Variants in DMD observed in about 807,000 individuals in gnomAD.
DMD encodes the protein dystrophin, also known as mutant dystrophin.
Under a neutral mutation model 330.1 loss-of-function variants are expected in DMD, and 63 were observed. That is an observed-to-expected ratio of 0.19 (90% CI 0.16 to 0.24). The LOEUF (loss-of-function observed/expected upper bound fraction) is 0.24. DMD is among the 10% of genes least tolerant of loss of function. The pLI, the probability that DMD is intolerant of heterozygous loss-of-function variation, is 1.00. For missense variants in DMD, 3,344 were observed against 2,684.1 expected (o/e 1.25, Z -5.43); for synonymous variants, 1,223 against 959.8 (o/e 1.27, Z -5.07).
At chrX:32,616,405 T>C (rs1249070985) in intron 11 of DMD, among the ~76,000 whole-genome samples, 1 of 111,157 alleles carries the variant, frequency 9.0e-6, no homozygotes, top group African/African-American at 3.3e-5. Flanking sequence ...ATTTATGAAA[T>C]TATTTATTTA....
intron 16 of DMD, among the ~76,000 whole-genome samples, chrX:32,546,997 C>A (rs1191375950): frequency 9.0e-6 from 1 of 111,566 alleles, no homozygotes; most frequent in African/African-American, 3.2e-5. Flanking sequence ...TATTTTTTAA[C>A]CATGAGAAAA....
chrX:32,600,695 A>T (rs1384821898), intron 12 of DMD, among the ~76,000 whole-genome samples: 1 of 110,267 alleles, frequency 9.1e-6, no homozygotes, highest in Non-Finnish European at 1.9e-5. Flanking sequence ...GTCTCCAAAA[A>T]TGACTTTAAA....
At chrX:32,964,063 G>C (rs1435488677) in intron 2 of DMD, among the ~76,000 whole-genome samples, 1 of 108,703 alleles carries the variant, frequency 9.2e-6, no homozygotes, top group Non-Finnish European at 1.9e-5. Context: ...GACCGTCCTG[G>C]CCAACATCAT....
At chrX:32,256,640 G>T (rs957363153) in intron 43 of DMD, among the ~76,000 whole-genome samples, 8 of 111,520 alleles carry the variant, frequency 7.2e-5, no homozygotes, top group Non-Finnish European at 1.3e-4. Flanking sequence ...GTTTCTCTCA[G>T]TGGCTGGTAC....
chrX:32,125,289 A>G (rs1214913655), intron 44 of DMD, among the ~76,000 whole-genome samples: 1 of 111,675 alleles, frequency 9.0e-6, no homozygotes, highest in East Asian at 2.8e-4. Flanking sequence ...AGAAGGTTAA[A>G]TCAGTAGGAC....
rs773978659 is a variant in DMD at position 33,302,372 on chromosome X, G to T, written c.7+36887C>A. Among the ~76,000 whole-genome samples, 3 of 111,461 alleles carry T rather than the reference G, an allele frequency of 2.7e-5. No individual in the cohort carries two copies. In the South Asian group the frequency reaches 1.1e-3, roughly 42 times the overall value. On this transcript the variant is annotated intron_variant, in intron 1 of 17. Coordinates refer to the DMD transcript ENST00000288447. ...GATTTATAACCTCACCAACAAGAAAGGGCATGCCCACTTCACTGACTCTTC... is the reference window on the plus strand; with the variant it reads ...GATTTATAACCTCACCAACAAGAAATGGCATGCCCACTTCACTGACTCTTC...
intron 1 of DMD, among the ~76,000 whole-genome samples, chrX:33,110,615 C>T (rs1015479359): frequency 1.2e-4 from 13 of 111,487 alleles, no homozygotes; most frequent in African/African-American, 3.6e-4. Context: ...TTCTGTGTTG[C>T]TTATCTTCAT....
intron 47 of DMD, among the ~76,000 whole-genome samples, chrX:31,898,599 A>C (rs1401353916): frequency 8.9e-6 from 1 of 111,807 alleles, no homozygotes; most frequent in Non-Finnish European, 1.9e-5. Flanking sequence ...CCTTCCTTAC[A>C]CCTTATACAA....
chrX:31,588,333 C>T (rs774423888), intron 55 of DMD, among the ~76,000 whole-genome samples: 9 of 110,984 alleles, frequency 8.1e-5, no homozygotes, highest in South Asian at 7.7e-4. Flanking sequence ...ATCCAAAGTC[C>T]GTATCCCCAA....
At chrX:32,409,744 T>G (rs1402927082) in intron 30 of DMD, among the ~76,000 whole-genome samples, 1 of 111,865 alleles carries the variant, frequency 8.9e-6, no homozygotes, top group African/African-American at 3.2e-5. Context: ...ATTCAGAACG[T>G]CACAAGCATT....
At chrX:31,515,925 G>GA (rs2072146870) in intron 55 of DMD, among the ~76,000 whole-genome samples, 1 of 112,088 alleles carries the variant, frequency 8.9e-6, no homozygotes, top group Non-Finnish European at 1.9e-5. Context: ...CAGTTGTTTT[G>GA]AAAAGGTGTT....
At chrX:32,569,767 C>A (rs2052185043) in intron 15 of DMD, among the ~76,000 whole-genome samples, 1 of 110,835 alleles carries the variant, frequency 9.0e-6, no homozygotes, top group Non-Finnish European at 1.9e-5. Flanking sequence ...ACTTCTGTAG[C>A]CCTTATATAC....
chrX:32,806,485 A>T (rs2076955860), intron 7 of DMD, among the ~76,000 whole-genome samples: 1 of 111,262 alleles, frequency 9.0e-6, no homozygotes, highest in African/African-American at 3.3e-5. Context: ...ACAGACTCCC[A>T]AACAATAATA....
chrX:33,060,648 C>T, intron 1 of DMD, among the ~76,000 whole-genome samples: 1 of 110,142 alleles, frequency 9.1e-6, no homozygotes, highest in Non-Finnish European at 1.9e-5. Flanking sequence ...GCCTGACCAA[C>T]ATAGTGAAAC....
intron 57 of DMD, among the ~76,000 whole-genome samples, chrX:31,492,669 T>G (rs1353067847): frequency 9.0e-6 from 1 of 111,622 alleles, no homozygotes; most frequent in Non-Finnish European, 1.9e-5. Flanking sequence ...ATGTGGCACA[T>G]GTACACCATG....
At chrX:31,556,373 A>G (rs1406497403) in intron 55 of DMD, among the ~76,000 whole-genome samples, 5 of 108,644 alleles carry the variant, frequency 4.6e-5, no homozygotes, top group African/African-American at 1.7e-4. Flanking sequence ...TATCAAAAAA[A>G]AAAAAAAAGA....
At chrX:32,855,771 G>C (rs1038706129) in intron 2 of DMD, among the ~76,000 whole-genome samples, 1 of 111,523 alleles carries the variant, frequency 9.0e-6, no homozygotes, top group Non-Finnish European at 1.9e-5. Context: ...TATTTCTTGA[G>C]CAATACCCTA....
chrX:33,333,137 A>T (rs1298840857), intron 1 of DMD, among the ~76,000 whole-genome samples: 1 of 111,241 alleles, frequency 9.0e-6, no homozygotes, highest in Non-Finnish European at 1.9e-5. Context: ...TGAGTAGCGA[A>T]AGGCAAGCCA....
At chrX:32,529,379 C>T (rs778724919) in intron 17 of DMD, among the ~76,000 whole-genome samples, 357 of 31,071 alleles carry the variant, frequency 0.011, 10 homozygotes, top group African/African-American at 0.048. Flanking sequence ...CAAAAATCAA[C>T]TTTTTTTTTT....
Sources: allele counts gnomAD v4.1 joint callset (sites outside exome capture counted in the v4.1 genomes callset), GRCh38; gene constraint gnomAD v4.1.1; transcripts MANE v1.5; gene names NCBI Gene and HGNC (gene_info 2026-07-23, HGNC 2026-07-21).